Variants in RFX3 observed in about 807,000 individuals in gnomAD.
RFX3 encodes the protein transcription factor RFX3.
Under a neutral mutation model 98.6 loss-of-function variants are expected in RFX3, and 14 were observed. The observed-to-expected ratio is 0.14, with a 90% CI of 0.09 to 0.22. The LOEUF (loss-of-function observed/expected upper bound fraction) is 0.22, where lower values mean the gene tolerates loss of function less well. Among genes scored for constraint, RFX3 ranks in the 10% least tolerant of loss-of-function variants. The pLI is 1.00. For synonymous variants in RFX3, 383 were observed against 328.4 expected, an observed-to-expected ratio of 1.17 and a Z score of -1.80; for missense variants, 639 against 926.9, an observed-to-expected ratio of 0.69 and a Z score of 4.03.
intron 1 of RFX3, among the ~76,000 whole-genome samples, chr9:3,414,865 T>TGTATATATATGAGTATATATAA (rs1275122524): frequency 5.8e-5 from 8 of 137,784 alleles, no homozygotes; most frequent in African/African-American, 2.2e-4. Context: ...TGAGTATATA[T>TGTATATATATGAGTATATATAA]GTATATATAT....
intron 8 of RFX3, 31 bp from the exon 9 acceptor site, chr9:3,275,643 C>T: frequency 7.2e-7 from 1 of 1,393,910 alleles, no homozygotes; most frequent in Non-Finnish European, 1.0e-6. Flanking sequence ...CAGAAAAAAG[C>T]TATTGTGGAT....
intron 15 of RFX3, among the ~76,000 whole-genome samples, chr9:3,239,847 C>T (rs1819684476): frequency 6.6e-6 from 1 of 152,236 alleles, no homozygotes; most frequent in Admixed American, 6.5e-5. Context: ...TCCCTCCTCC[C>T]ATACCACCTC....
intron 6 of RFX3, among the ~76,000 whole-genome samples, chr9:3,292,100 A>AAAAAC (rs1827457239): frequency 1.7e-5 from 2 of 120,216 alleles, no homozygotes; most frequent in African/African-American, 3.1e-5. Flanking sequence ...AAAAAAAAAA[A>AAAAAC]CTCTTTACGA....
At chr9:3,395,692 T>G (rs1403619079) in intron 1 of RFX3, 96 bp from the exon 2 acceptor site, 10 of 1,302,832 alleles carry the variant, frequency 7.7e-6, no homozygotes, top group East Asian at 2.4e-5. Context: ...TGAAACTAAC[T>G]TTCAACTCTC....
At chr9:3,366,717 T>TCTTTCTTTCTTTCTTTCTTTC (rs1837220303) in intron 2 of RFX3, among the ~76,000 whole-genome samples, 1 of 143,706 alleles carries the variant, frequency 7.0e-6, no homozygotes, top group Non-Finnish European at 1.5e-5. Flanking sequence ...TTTCTTTCTT[T>TCTTTCTTTCTTTCTTTCTTTC]CTTTCTTTCT....
intron 15 of RFX3, among the ~76,000 whole-genome samples, chr9:3,241,782 C>T (rs1410052126): frequency 6.6e-6 from 1 of 152,216 alleles, no homozygotes; most frequent in East Asian, 1.9e-4. Context: ...TCTTTTCCGG[C>T]AGATTTAGTT....
chr9:3,420,935 T>C (rs749646296), intron 1 of RFX3: 309 of 982,270 alleles, frequency 3.1e-4, no homozygotes, highest in Non-Finnish European at 3.6e-4. Context: ...TTCTCATCTG[T>C]AAAGTTCTGT....
chr9:3,288,301 T>C (rs779104029), intron 6 of RFX3, 51 bp from the exon 7 acceptor site: 2 of 1,558,930 alleles, frequency 1.3e-6, no homozygotes, highest in South Asian at 1.1e-5. Flanking sequence ...CAAACTAATA[T>C]TAATCACATG....
intron 6 of RFX3, 68 bp from the exon 7 acceptor site, chr9:3,288,318 C>T: frequency 6.9e-7 from 1 of 1,453,288 alleles, no homozygotes; most frequent in South Asian, 1.2e-5. Context: ...CATGGGATGT[C>T]CATTAAACTT....
At chr9:3,512,611 TGTCTAGAAATA>T (rs1209364705) in intron 1 of RFX3, among the ~76,000 whole-genome samples, 2 of 151,916 alleles carry the variant, frequency 1.3e-5, no homozygotes, top group African/African-American at 4.8e-5. Flanking sequence ...CTATATACAA[TGTCTAGAAATA>T]GTCAAACCTC....
At chr9:3,282,384 G>C (rs957732830) in intron 7 of RFX3, among the ~76,000 whole-genome samples, 1 of 151,692 alleles carries the variant, frequency 6.6e-6, no homozygotes, top group Non-Finnish European at 1.5e-5. Flanking sequence ...CTGAGTATTT[G>C]TCTCTTCATT....
At chr9:3,243,743 T>C (rs531734714) in intron 15 of RFX3, among the ~76,000 whole-genome samples, 1 of 152,184 alleles carries the variant, frequency 6.6e-6, no homozygotes, top group Non-Finnish European at 1.5e-5. Context: ...ACTGACACCT[T>C]TTCCAAAGCA....
Position 3,292,744 on chromosome 9 carries a change from G to A in RFX3, c.731+333C>T, listed in dbSNP as rs139933426. Among the ~76,000 whole-genome samples the A allele has an allele frequency of 3.3e-5, 5 of 151,608 alleles. No homozygotes were observed. The East Asian group carries it at 9.7e-4, about 29-fold the overall frequency. On this transcript the variant is annotated intron_variant, in intron 6 of 16. Transcript: ENST00000617270. ...TTTCAATAAGAGAATACATTTTTAT[G>A]TGCGTGTGTGTGTGTATGTGTTTGT...
chr9:3,394,785 C>A, intron 2 of RFX3: 4 of 965,528 alleles, frequency 4.1e-6, no homozygotes, highest in Non-Finnish European at 4.9e-6. Context: ...ATGTTCTCAC[C>A]ACTCTTTAGA....
At chr9:3,289,835 C>T (rs1586898242) in intron 6 of RFX3, among the ~76,000 whole-genome samples, 1 of 151,834 alleles carries the variant, frequency 6.6e-6, no homozygotes, top group Non-Finnish European at 1.5e-5. Context: ...TTTTTGTTTA[C>T]TTAGGTCCAA....
At chr9:3,357,693 T>C (rs1359839978) in intron 2 of RFX3, among the ~76,000 whole-genome samples, 3 of 152,036 alleles carry the variant, frequency 2.0e-5, no homozygotes, top group African/African-American at 7.2e-5. Context: ...AGTAGGGAAA[T>C]TGTAGTTAAC....
intron 1 of RFX3, among the ~76,000 whole-genome samples, chr9:3,413,260 C>T (rs1467090280): frequency 6.6e-6 from 1 of 151,816 alleles, no homozygotes; most frequent in Non-Finnish European, 1.5e-5. Flanking sequence ...GTAATGTATA[C>T]CAAGTAGAAC....
chr9:3,419,193 G>C (rs1843234941), intron 1 of RFX3, among the ~76,000 whole-genome samples: 1 of 151,668 alleles, frequency 6.6e-6, no homozygotes, highest in Non-Finnish European at 1.5e-5. Context: ...TTTTTATTTT[G>C]CGCAACTTCG....
chr9:3,253,132 A>G (rs996638339), intron 14 of RFX3, among the ~76,000 whole-genome samples: 1 of 152,244 alleles, frequency 6.6e-6, no homozygotes, highest in Non-Finnish European at 1.5e-5. Context: ...ATAATGGACA[A>G]GAAATATCTT....
Sources: allele counts gnomAD v4.1 joint callset (sites outside exome capture counted in the v4.1 genomes callset), GRCh38; gene constraint gnomAD v4.1.1; transcripts MANE v1.5; gene names NCBI Gene and HGNC (gene_info 2026-07-23, HGNC 2026-07-21).